CAMK2G: variants seen among roughly 807,000 people sequenced by gnomAD.
CAMK2G encodes the protein calcium/calmodulin-dependent protein kinase type II subunit gamma.
A neutral mutation model predicts 88.7 loss-of-function variants in CAMK2G; 23 were observed. The observed-to-expected ratio is 0.26, with a 90% CI of 0.19 to 0.37. CAMK2G has a LOEUF of 0.37. Ranked by LOEUF, CAMK2G falls within the 10% of genes least tolerant of loss-of-function variation. The pLI, the probability that CAMK2G is intolerant of heterozygous loss-of-function variation, is 1.00. For synonymous variants in CAMK2G, 263 were observed against 294.8 expected, an observed-to-expected ratio of 0.89 and a Z score of 1.11; for missense variants, 476 against 780.8, an observed-to-expected ratio of 0.61 and a Z score of 4.65.
At chr10:73,873,790 G>A (rs2095950841) in intron 1 of CAMK2G, among the ~76,000 whole-genome samples, 1 of 100,184 alleles carries the variant, frequency 1.0e-5, no homozygotes, top group Admixed American at 9.5e-5. Context: ...GTGGGGGGCC[G>A]GGGCTGCTGC....
chr10:73,834,474 C>T (rs912072465), intron 14 of CAMK2G, among the ~76,000 whole-genome samples: 6 of 152,182 alleles, frequency 3.9e-5, no homozygotes, highest in Non-Finnish European at 8.8e-5. Context: ...CATTTAAAGC[C>T]TTTACCTAAT....
intron 2 of CAMK2G, among the ~76,000 whole-genome samples, chr10:73,868,469 G>A (rs2095674085): frequency 6.6e-6 from 1 of 152,214 alleles, no homozygotes; most frequent in East Asian, 1.9e-4. Flanking sequence ...TGCACAGAGG[G>A]ACCTGCAGTC....
intron 6 of CAMK2G, 66 bp from the exon 7 acceptor site, chr10:73,849,181 G>A: frequency 1.9e-6 from 3 of 1,566,826 alleles, no homozygotes; most frequent in Admixed American, 3.3e-5. Context: ...CCTAGTTTGG[G>A]CCTACGCAGT....
intron 2 of CAMK2G, among the ~76,000 whole-genome samples, chr10:73,866,012 G>C (rs565436919): frequency 6.6e-6 from 1 of 152,304 alleles, no homozygotes; most frequent in African/African-American, 2.4e-5. Context: ...GCCCTCTGCA[G>C]GTTTTCCCCA....
rs1281830166 is a variant in CAMK2G, at chr10:73,849,126, AAC to A, written c.415-13_415-12del. The A allele has an allele frequency of 4.3e-6, 7 of 1,610,556 alleles. No homozygotes were observed. The highest frequency in any genetic ancestry group is 8.5e-7 in the Non-Finnish European group (1 of 1,176,730). On this transcript the variant is annotated splice_polypyrimidine_tract_variant and intron_variant, in intron 6 of 22. Coordinates refer to ENST00000423381, the MANE Select transcript of CAMK2G (RefSeq NM_001367534.1). ...CAGCAGGTTCTCAGGCTGCAGAAGA[AAC>A]ACAGAGAACCTTGTGAGCACCCACC...
At chr10:73,820,663 A>ATTTTTTTTTT (rs1198716305) in intron 18 of CAMK2G, among the ~76,000 whole-genome samples, 32 of 46,128 alleles carry the variant, frequency 6.9e-4, no homozygotes, top group East Asian at 2.9e-3. Flanking sequence ...CACCCGGCTA[A>ATTTTTTTTTT]TTTTTTTTTT....
rs2096011118 is a variant in CAMK2G at position 73,874,490 on chromosome 10, AG to A, written c.-30del. ...GGCGGGCGGGCGGACGCGGCGGTGC[AG>A]CCCGCGCCGACGTCGGTGCACAGTC... On this transcript the variant is annotated 5_prime_UTR_variant, in exon 1 of 23. Coordinates refer to ENST00000423381, the MANE Select transcript of CAMK2G (RefSeq NM_001367534.1). 1.3e-5 allele frequency: 19 copies of A among 1,453,362 alleles called. No homozygotes were observed. The highest frequency in any genetic ancestry group is 1.7e-5 in the Non-Finnish European group (18 of 1,089,132). 90.0% of individuals were successfully genotyped at this position (1,453,362 alleles called of 1,614,324 possible).
chr10:73,825,391 A>G (rs921854386), intron 15 of CAMK2G, 44 bp from the exon 16 acceptor site: 5 of 1,492,070 alleles, frequency 3.4e-6, no homozygotes, highest in Non-Finnish European at 4.7e-6. Flanking sequence ...AGAGTCCCCA[A>G]GGCCACTCAG....
chr10:73,822,878 T>C (rs533455974), intron 17 of CAMK2G, among the ~76,000 whole-genome samples: 1 of 152,334 alleles, frequency 6.6e-6, no homozygotes, highest in African/African-American at 2.4e-5. Context: ...TTTTTCATTT[T>C]TTAGATGGAG....
intron 18 of CAMK2G, 97 bp downstream of exon 18, chr10:73,821,585 T>C (rs2088782296): frequency 4.4e-6 from 4 of 903,676 alleles, no homozygotes; most frequent in South Asian, 2.8e-5. Context: ...GGAGCCAGCA[T>C]TCCCAGTTCT....
At chr10:73,829,491 G>A (rs1200007418) in intron 14 of CAMK2G, among the ~76,000 whole-genome samples, 2 of 151,786 alleles carry the variant, frequency 1.3e-5, no homozygotes, top group Non-Finnish European at 2.9e-5. Flanking sequence ...TAGAGAGACT[G>A]GTTTCGCCAT....
chr10:73,819,645 G>C lies in CAMK2G; in HGVS notation c.1250C>G (p.Ala417Gly). The change falls in exon 19 of 23, where the codon GCT becomes GGT. Residue 417 changes from alanine to glycine, a missense_variant and splice_region_variant. Ala to Gly is a moderately conservative substitution (Grantham distance 60). Coordinates refer to ENST00000423381, the MANE Select transcript of CAMK2G (RefSeq NM_001367534.1). ...NTTTEDEDLK[A>G]APLRTGNGSS... ...GCCATTCCCAGTGCGGAGCGGGGCAGCTAGCCAGCCAGGGCAGGGCAGGGC... is the reference window on the plus strand; with the variant it reads ...GCCATTCCCAGTGCGGAGCGGGGCACCTAGCCAGCCAGGGCAGGGCAGGGC... 1 of 1,536,438 alleles carries C rather than the reference G, an allele frequency of 6.5e-7. No homozygotes were observed. The highest frequency in any genetic ancestry group is 8.8e-7 in the Non-Finnish European group (1 of 1,142,826).
chr10:73,812,791 G>A lies in CAMK2G; in HGVS notation c.*1727C>T, dbSNP rs1422563654. 1 of 152,702 alleles carries A rather than the reference G, an allele frequency of 6.5e-6. No individual in the cohort carries two copies. The highest frequency in any genetic ancestry group is 1.5e-5 in the Non-Finnish European group (1 of 68,048). The allele number at this position is 152,702 out of a possible 1,614,324, so 9.5% of individuals were successfully genotyped here. A position where few individuals can be genotyped will look rare whatever the true frequency, so the allele number is the denominator to read the frequency against. On this transcript the variant is annotated 3_prime_UTR_variant, in exon 23 of 23. Coordinates refer to ENST00000423381, the MANE Select transcript of CAMK2G (RefSeq NM_001367534.1). ...GTCTCAATGAATTCTAAGACCATTTGTCTTCAAGCCAGCAAAACGAAACCC... is the reference window on the plus strand; with the variant it reads ...GTCTCAATGAATTCTAAGACCATTTATCTTCAAGCCAGCAAAACGAAACCC...
At chr10:73,822,025 G>T (rs113916598) in intron 17 of CAMK2G, among the ~76,000 whole-genome samples, 1 of 151,952 alleles carries the variant, frequency 6.6e-6, no homozygotes, top group Non-Finnish European at 1.5e-5. Flanking sequence ...AAATCTTCTG[G>T]TTCTGCCTCC....
chr10:73,858,955 G>A (rs2095238405), intron 3 of CAMK2G, among the ~76,000 whole-genome samples: 1 of 152,250 alleles, frequency 6.6e-6, no homozygotes, highest in Admixed American at 6.5e-5. Context: ...CGCGGGTGAT[G>A]TGGACATGGT....
At chr10:73,860,252 C>G (rs948400659) in intron 3 of CAMK2G, among the ~76,000 whole-genome samples, 2 of 152,208 alleles carry the variant, frequency 1.3e-5, no homozygotes, top group African/African-American at 2.4e-5. Context: ...CTTGTCCCCC[C>G]AGTCAGGGTG....
chr10:73,819,654 C>CCAGGG lies in CAMK2G; in HGVS notation c.1250-14_1250-10dup, dbSNP rs201010279. ...AGTGCGGAGCGGGGCAGCTAGCCAG[C>CCAGGG]CAGGGCAGGGCAGGGCAGGGCAAGG... is the stretch of plus-strand genomic sequence containing the variant. On this transcript the variant is annotated splice_polypyrimidine_tract_variant and intron_variant, in intron 18 of 22. Coordinates refer to ENST00000423381, the MANE Select transcript of CAMK2G (RefSeq NM_001367534.1). 3,900 of 1,521,564 alleles carry CCAGGG rather than the reference C, an allele frequency of 2.6e-3. 64 individuals carry two copies. The African/African-American group carries it at 0.037, about 15-fold the overall frequency. 94.3% of individuals were successfully genotyped at this position (1,521,564 alleles called of 1,614,324 possible). A position where few individuals can be genotyped will look rare whatever the true frequency, so the allele number is the denominator to read the frequency against.
intron 2 of CAMK2G, among the ~76,000 whole-genome samples, chr10:73,867,695 C>A (rs1439742371): frequency 2.0e-5 from 3 of 152,118 alleles, no homozygotes; most frequent in African/African-American, 7.2e-5. Flanking sequence ...GGGAATGGGG[C>A]CTCAGCCAGC....
At chr10:73,837,415 T>C (rs1181487307) in intron 14 of CAMK2G, 53 bp downstream of exon 14, 6 of 1,427,300 alleles carry the variant, frequency 4.2e-6, no homozygotes, top group East Asian at 2.3e-5. Context: ...AGAATTCCCA[T>C]AGTGACTGCG....
Sources: allele counts gnomAD v4.1 joint callset (sites outside exome capture counted in the v4.1 genomes callset), GRCh38; gene constraint gnomAD v4.1.1; transcripts MANE v1.5; gene names NCBI Gene and HGNC (gene_info 2026-07-23, HGNC 2026-07-21).